Variants in MELK observed in about 807,000 individuals in gnomAD.
MELK encodes maternal embryonic leucine zipper kinase.
In MELK, 81 loss-of-function variants were observed where a neutral mutation model predicts 85.0. The observed-to-expected ratio is 0.95, with a 90% CI of 0.80 to 1.15. The LOEUF is 1.15. Ranked by LOEUF, MELK falls within the 50% of genes most tolerant of loss-of-function variation. The pLI, the probability that MELK is intolerant of heterozygous loss-of-function variation, is 0.00. For missense variants in MELK, 754 were observed against 777.5 expected, an observed-to-expected ratio of 0.97 and a Z score of 0.36; for synonymous variants, 252 against 265.0, an observed-to-expected ratio of 0.95 and a Z score of 0.48.
intron 13 of MELK, among the ~76,000 whole-genome samples, chr9:36,659,447 G>A (rs1413194557): frequency 6.6e-6 from 1 of 152,228 alleles, no homozygotes; most frequent in East Asian, 1.9e-4. Flanking sequence ...GCTGTTTGTT[G>A]TTGTTGGTTA....
chr9:36,660,986 C>T (rs138393143), intron 13 of MELK, among the ~76,000 whole-genome samples: 2 of 152,108 alleles, frequency 1.3e-5, no homozygotes, highest in East Asian at 1.9e-4. Flanking sequence ...AGCAAAACTC[C>T]GTCTCAAATA....
chr9:36,618,226 T>G (rs939286975), intron 8 of MELK, among the ~76,000 whole-genome samples: 1 of 151,692 alleles, frequency 6.6e-6, no homozygotes, highest in Non-Finnish European at 1.5e-5. Context: ...CTGGCCAACA[T>G]GGTGAAACCC....
At position 36,629,253 on chromosome 9, in the gene MELK, C is replaced by A. The variant is rs552079205; in HGVS notation, c.667-1046C>A. On this transcript the variant is annotated intron_variant, in intron 8 of 17. Transcript: ENST00000298048. The stretch of plus-strand genomic sequence containing the variant: ...CAATCAATTTCTCTCAAATAATTAA[C>A]CTGTTATCTTAGCATCATTAAACAA... Among the ~76,000 whole-genome samples the A allele has an allele frequency of 5.3e-5, 8 of 152,268 alleles. No individual in the cohort carries two copies. In the East Asian group the frequency reaches 1.5e-3, roughly 29 times the overall value.
intron 8 of MELK, among the ~76,000 whole-genome samples, chr9:36,628,466 C>G (rs1257736565): frequency 6.6e-6 from 1 of 151,976 alleles, no homozygotes; most frequent in Non-Finnish European, 1.5e-5. Flanking sequence ...TATTGGCAGG[C>G]TGGAGTGCAG....
At chr9:36,666,853 T>TTGTGTGTGTGTG (rs5897643) in intron 14 of MELK, among the ~76,000 whole-genome samples, 44 of 130,834 alleles carry the variant, frequency 3.4e-4, no homozygotes, top group East Asian at 9.5e-4. Context: ...ATGTCTGTGT[T>TTGTGTGTGTGTG]TGTGTGTGTG....
chr9:36,661,965 A>G (rs930537678), intron 13 of MELK, among the ~76,000 whole-genome samples: 4 of 151,460 alleles, frequency 2.6e-5, no homozygotes, highest in Non-Finnish European at 4.4e-5. Flanking sequence ...AACAAAACAA[A>G]CAAAGAAAAA....
chr9:36,642,418 C>CTTTTTTTT (rs34671966), intron 10 of MELK, among the ~76,000 whole-genome samples: 1 of 84,774 alleles, frequency 1.2e-5, no homozygotes, highest in Non-Finnish European at 2.2e-5. Context: ...TACAACAGAA[C>CTTTTTTTT]TTTTTTTTTT....
chr9:36,574,655 T>C (rs1821457938), intron 1 of MELK, among the ~76,000 whole-genome samples: 1 of 152,078 alleles, frequency 6.6e-6, no homozygotes, highest in African/African-American at 2.4e-5. Flanking sequence ...TACTTCCTGT[T>C]TGAAATTATC....
At chr9:36,609,279 C>T (rs1272060149) in intron 8 of MELK, among the ~76,000 whole-genome samples, 1 of 151,852 alleles carries the variant, frequency 6.6e-6, no homozygotes, top group Admixed American at 6.6e-5. Context: ...GAATTATGTT[C>T]AGTTAAAAAA....
At chr9:36,636,806 G>GTCTGTCTGTCTGTCTT (rs1307055019) in intron 10 of MELK, among the ~76,000 whole-genome samples, 1,355 of 111,664 alleles carry the variant, frequency 0.012, 20 homozygotes, top group Non-Finnish European at 0.014. Flanking sequence ...CTTTCTTTCT[G>GTCTGTCTGTCTGTCTT]TCTTTCTTTC....
intron 15 of MELK, among the ~76,000 whole-genome samples, chr9:36,670,673 T>C (rs932679450): frequency 6.6e-6 from 1 of 151,704 alleles, no homozygotes; most frequent in Non-Finnish European, 1.5e-5. Flanking sequence ...ATATGAACAA[T>C]TGTTGAATCT....
At position 36,657,317 on chromosome 9, in the gene MELK, G is replaced by A; in HGVS notation, c.1130G>A (p.Cys377Tyr). The A allele has an allele frequency of 6.2e-7, 1 of 1,613,472 alleles. No individual in the cohort carries two copies. The highest frequency in any genetic ancestry group is 1.1e-5 in the South Asian group (1 of 90,880). The change falls in exon 13 of 18, where the codon TGT (cysteine) becomes TAT (tyrosine). Residue 377 changes from cysteine (C) to tyrosine (Y), a missense_variant. Transcript: ENST00000298048. ...YVAGLIDYDW[C>Y]EDDLSTGAAT... ...GCGGGATTAATAGACTATGATTGGT[G>A]TGAAGATGATTTATCAACAGGTGCT...
intron 9 of MELK, among the ~76,000 whole-genome samples, chr9:36,631,631 AG>A (rs1828633533): frequency 6.6e-6 from 1 of 152,110 alleles, no homozygotes; most frequent in Admixed American, 6.6e-5. Context: ...GCTGGAGTGC[AG>A]TCATATGATC....
chr9:36,617,532 G>A (rs550937246), intron 8 of MELK, among the ~76,000 whole-genome samples: 1 of 152,090 alleles, frequency 6.6e-6, no homozygotes, highest in South Asian at 2.1e-4. Flanking sequence ...TTGCTATATT[G>A]CTGAGGCTTG....
intron 9 of MELK, among the ~76,000 whole-genome samples, chr9:36,630,707 G>T (rs919786018): frequency 4.6e-5 from 7 of 152,244 alleles, no homozygotes; most frequent in African/African-American, 1.7e-4. Flanking sequence ...AGGTTGGAGT[G>T]CAGTGGCGTG....
At chr9:36,645,462 ATCT>A (rs1248581207) in intron 11 of MELK, among the ~76,000 whole-genome samples, 3 of 152,158 alleles carry the variant, frequency 2.0e-5, no homozygotes, top group African/African-American at 7.2e-5. Context: ...TTCTCTAAAG[ATCT>A]TCTCAGTTAT....
At chr9:36,632,626 T>G (rs930914537) in intron 9 of MELK, among the ~76,000 whole-genome samples, 2 of 152,234 alleles carry the variant, frequency 1.3e-5, no homozygotes, top group African/African-American at 4.8e-5. Context: ...AACGTTAATC[T>G]TTGTTGATTA....
intron 12 of MELK, among the ~76,000 whole-genome samples, chr9:36,655,680 C>T (rs1831177537): frequency 6.6e-6 from 1 of 152,128 alleles, no homozygotes; most frequent in Non-Finnish European, 1.5e-5. Context: ...TGCTATTAGT[C>T]CCTACTGGAG....
intron 16 of MELK, 119 bp from the exon 17 acceptor site, chr9:36,674,715 G>A (rs1833188106): frequency 8.0e-6 from 4 of 498,668 alleles, no homozygotes. Context: ...ATATTTTTTA[G>A]GAAATAGTTC....
Sources: allele counts gnomAD v4.1 joint callset (sites outside exome capture counted in the v4.1 genomes callset), GRCh38; gene constraint gnomAD v4.1.1; transcripts MANE v1.5; gene names NCBI Gene and HGNC (gene_info 2026-07-23, HGNC 2026-07-21).